DNAH3: variants seen among roughly 807,000 people sequenced by gnomAD.
DNAH3 encodes the protein axonemal beta dynein heavy chain 3.
Under a neutral mutation model 432.5 loss-of-function variants are expected in DNAH3, and 332 were observed. The observed-to-expected ratio is 0.77, with a 90% CI of 0.70 to 0.84. The LOEUF (loss-of-function observed/expected upper bound fraction) is 0.84, where lower values mean the gene tolerates loss of function less well. Ranked by LOEUF, DNAH3 falls within the 40% of genes least tolerant of loss-of-function variation. The pLI is 0.00. For synonymous variants in DNAH3, 1,956 were observed against 1,900.2 expected, an observed-to-expected ratio of 1.03 and a Z score of -0.76; for missense variants, 4,861 against 5,114.0, an observed-to-expected ratio of 0.95 and a Z score of 1.51.
chr16:21,034,414 A>G (rs2089058364), intron 35 of DNAH3, among the ~76,000 whole-genome samples: 1 of 152,228 alleles, frequency 6.6e-6, no homozygotes, highest in South Asian at 2.1e-4. Flanking sequence ...TGAGCCCAAG[A>G]GAGGTTAAAT....
intron 37 of DNAH3, 85 bp from the exon 38 acceptor site, chr16:21,027,212 G>A: frequency 2.1e-6 from 2 of 947,664 alleles, no homozygotes; most frequent in Non-Finnish European, 3.4e-6. Flanking sequence ...AGACAAAGCT[G>A]GTTTGATTCA....
intron 25 of DNAH3, 63 bp from the exon 26 acceptor site, chr16:21,060,419 G>A (rs2090305245): frequency 5.7e-6 from 7 of 1,236,254 alleles, no homozygotes; most frequent in Non-Finnish European, 7.1e-6. Context: ...GGGAGAGTGG[G>A]CAGAACACAG....
At chr16:20,936,880 C>G in intron 59 of DNAH3, 27 bp from the exon 60 acceptor site, 1 of 1,584,464 alleles carries the variant, frequency 6.3e-7, no homozygotes, top group Non-Finnish European at 8.6e-7. Context: ...GCTGGCTGAG[C>G]TGGGCTCTCC....
chr16:21,155,164 G>C (rs1323222309), intron 1 of DNAH3, among the ~76,000 whole-genome samples: 2 of 151,592 alleles, frequency 1.3e-5, no homozygotes, highest in Non-Finnish European at 2.9e-5. Context: ...TGGCCAGCCT[G>C]GTCTCGAACC....
At chr16:21,041,585 A>G (rs1260663371) in intron 32 of DNAH3, among the ~76,000 whole-genome samples, 2 of 152,186 alleles carry the variant, frequency 1.3e-5, no homozygotes, top group Non-Finnish European at 2.9e-5. Context: ...ATATGGGCGT[A>G]GCTGGGTCTC....
At chr16:20,995,398 T>C (rs2086720690) in intron 44 of DNAH3, among the ~76,000 whole-genome samples, 2 of 152,008 alleles carry the variant, frequency 1.3e-5, no homozygotes, top group Admixed American at 1.3e-4. Context: ...CCCGGGTAGC[T>C]GGGATAACAG....
At chr16:20,942,186 T>C (rs1273018915) in intron 58 of DNAH3, among the ~76,000 whole-genome samples, 1 of 152,050 alleles carries the variant, frequency 6.6e-6, no homozygotes, top group Non-Finnish European at 1.5e-5. Context: ...CTGTCTTCAA[T>C]GTCACACCCA....
Position 20,996,946 on chromosome 16 carries a change from G to A in DNAH3, c.6601+337C>T, listed in dbSNP as rs2086787428. 6 of 217,356 alleles carry A rather than the reference G, an allele frequency of 2.8e-5. No individual in the cohort carries two copies. The South Asian group carries it at 4.2e-4, about 15-fold the overall frequency. The allele number at this position is 217,356 out of a possible 1,614,324, so 13.5% of individuals were successfully genotyped here. On this transcript the variant is annotated intron_variant, in intron 44 of 61. Coordinates refer to ENST00000261383, the Ensembl canonical transcript of DNAH3. ...CTCTGGCAACCTAAAGAATTATAACGAATACAATGGATGACTGTCATGCAC... is the reference window on the plus strand; with the variant it reads ...CTCTGGCAACCTAAAGAATTATAACAAATACAATGGATGACTGTCATGCAC...
chr16:21,124,624 A>G (rs759432687), intron 9 of DNAH3, among the ~76,000 whole-genome samples: 12 of 151,456 alleles, frequency 7.9e-5, no homozygotes, highest in Admixed American at 6.6e-5. Flanking sequence ...TAATTAGCAT[A>G]TCTATCATCT....
At chr16:21,051,742 G>A (rs1567704216) in exon 29 of DNAH3, 1 of 1,614,024 alleles carries the variant, frequency 6.2e-7, no homozygotes, top group Non-Finnish European at 8.5e-7. Context: ...GCCATACAAG[G>A]CTTCTGTGGT....
intron 53 of DNAH3, among the ~76,000 whole-genome samples, chr16:20,960,661 C>T (rs553478003): frequency 6.6e-6 from 1 of 152,092 alleles, no homozygotes; most frequent in Admixed American, 6.5e-5. Flanking sequence ...GCCGAGATCA[C>T]GCCACTGCAC....
chr16:21,153,869 C>A (rs555800460), intron 1 of DNAH3, among the ~76,000 whole-genome samples: 1 of 152,216 alleles, frequency 6.6e-6, no homozygotes, highest in Non-Finnish European at 1.5e-5. Context: ...TTTTTCTACT[C>A]CTTTTCCTCA....
intron 43 of DNAH3, among the ~76,000 whole-genome samples, chr16:20,999,979 G>GAGAAAAGGAGGAAGGAAGGAAGA (rs2086937922): frequency 5.7e-5 from 8 of 140,922 alleles, no homozygotes; most frequent in Non-Finnish European, 1.2e-4. Flanking sequence ...AGGAAGGAAG[G>GAGAAAAGGAGGAAGGAAGGAAGA]AGAAAAGGAG....
intron 7 of DNAH3, among the ~76,000 whole-genome samples, chr16:21,133,420 G>A (rs1306970750): frequency 6.6e-6 from 1 of 151,018 alleles, no homozygotes; most frequent in Admixed American, 6.6e-5. Context: ...TAGGCTAAAG[G>A]GAGACAAATA....
intron 49 of DNAH3, among the ~76,000 whole-genome samples, chr16:20,981,445 T>C (rs1246221092): frequency 6.6e-6 from 1 of 152,080 alleles, no homozygotes; most frequent in African/African-American, 2.4e-5. Context: ...CAACAAACAG[T>C]GATTGAGCCT....
chr16:21,155,675 A>G (rs1486910415), intron 1 of DNAH3, among the ~76,000 whole-genome samples: 1 of 151,784 alleles, frequency 6.6e-6, no homozygotes, highest in Non-Finnish European at 1.5e-5. Flanking sequence ...CATTCAATAC[A>G]TGGGCTGTAC....
In DNAH3 at chr16:20,987,297, T is replaced by C. The variant is rs1256021738; in HGVS notation, c.7026+8A>G. The C allele has an allele frequency of 1.9e-6, 3 of 1,612,738 alleles. No individual in the cohort carries two copies. Among genetic ancestry groups the C allele is most frequent in the South Asian group, 2.2e-5 (2 of 90,620 alleles). ...TCTGAGGTCAAATGATCACAGAATC[T>C]GGTTTACCTTCTCTATGGTCTGCTT... On this transcript the variant is annotated splice_region_variant and intron_variant, in intron 47 of 61. Coordinates refer to ENST00000261383, the Ensembl canonical transcript of DNAH3.
chr16:20,936,550 G>T, intron 60 of DNAH3, 99 bp downstream of exon 60: 2 of 1,052,052 alleles, frequency 1.9e-6, no homozygotes, highest in Non-Finnish European at 1.4e-6. Context: ...TTCTGTGGCT[G>T]CCTGCCCTCC....
At chr16:21,109,039 CT>C (rs2092009897) in intron 14 of DNAH3, among the ~76,000 whole-genome samples, 1 of 150,356 alleles carries the variant, frequency 6.7e-6, no homozygotes, top group South Asian at 2.1e-4. Context: ...TGGTGAATCA[CT>C]TGAATCTGGG....
Sources: allele counts gnomAD v4.1 joint callset (sites outside exome capture counted in the v4.1 genomes callset), GRCh38; gene constraint gnomAD v4.1.1; transcripts MANE v1.5; gene names NCBI Gene and HGNC (gene_info 2026-07-23, HGNC 2026-07-21).